The following CACNA1H variants were observed in gnomAD, a reference collection of about 807,000 sequenced individuals.
CACNA1H encodes calcium voltage-gated channel subunit alpha1 H.
CACNA1H carries 149 observed loss-of-function variants against 192.5 expected under a neutral mutation model. The observed-to-expected ratio is 0.77, with a 90% CI of 0.68 to 0.89. The LOEUF is 0.89. Ranked by LOEUF, CACNA1H falls within the 40% of genes least tolerant of loss-of-function variation. CACNA1H has a pLI of 0.00. For missense variants in CACNA1H, 4,257 were observed against 3,423.5 expected (o/e 1.24, Z -6.08); for synonymous variants, 2,202 against 1,475.2 (o/e 1.49, Z -11.29).
In CACNA1H at chr16:1,198,703, C is replaced by T. The variant is rs373750945; in HGVS notation, c.732C>T (p.Phe244=). The T allele has an allele frequency of 1.0e-4, 163 of 1,613,464 alleles. No homozygotes were observed. The highest frequency in any genetic ancestry group is 1.3e-4 in the Non-Finnish European group (148 of 1,179,652). ...TGTGCTTCTTCGTCTTCTTCATTTT[C>T]GGCATCGTTGGCGTCCAGCTCTGGG... ...LLLCFFVFFI[F]GIVGVQLWAG... is the part of the protein sequence containing the mutation. Residue 244 remains phenylalanine (F), a synonymous_variant, in exon 6 of 35, where the codon TTC becomes TTT. Coordinates refer to ENST00000348261, the MANE Select transcript of CACNA1H (RefSeq NM_021098.3).
At position 1,218,630 on chromosome 16, in the gene CACNA1H, TA is replaced by T; in HGVS notation, c.5867del (p.Tyr1956LeufsTer91). 6.4e-7 allele frequency: 1 copy of T among 1,553,310 alleles called. No homozygotes were observed. The highest frequency in any genetic ancestry group is 8.7e-7 in the Non-Finnish European group (1 of 1,147,618). On this transcript the variant is annotated frameshift_variant, in exon 33 of 35. Coordinates refer to ENST00000348261, the MANE Select transcript of CACNA1H (RefSeq NM_021098.3). LOFTEE classifies it high-confidence loss of function. ...RPLQEVEMET[Y>X]GAGTPLGSVA... ...GCTGCAGGAGGTGGAGATGGAGACC[TA>T]TGGGGCCGGCACCCCCTTGGGTATG...
intron 2 of CACNA1H, among the ~76,000 whole-genome samples, chr16:1,165,483 C>T (rs560924152): frequency 7.2e-5 from 11 of 152,320 alleles, no homozygotes; most frequent in Admixed American, 3.3e-4. Context: ...GCCGAGCCCC[C>T]GTCCTGCGCA....
At chr16:1,195,224 G>A (rs915005315) in intron 3 of CACNA1H, 141 bp downstream of exon 3, 9 of 902,340 alleles carry the variant, frequency 1.0e-5, no homozygotes, top group African/African-American at 6.8e-5. Flanking sequence ...CGAGGTTCAC[G>A]GCGGGGCGCG....
chr16:1,212,788 C>T (rs1567545073), intron 26 of CACNA1H, among the ~76,000 whole-genome samples: 1 of 152,232 alleles, frequency 6.6e-6, no homozygotes, highest in Non-Finnish European at 1.5e-5. Flanking sequence ...CGAGGGGCCG[C>T]CCACACCCCT....
chr16:1,177,782 AGGGGTCTCTC>A (rs1215643594), intron 2 of CACNA1H, among the ~76,000 whole-genome samples: 1 of 151,638 alleles, frequency 6.6e-6, no homozygotes, highest in Non-Finnish European at 1.5e-5. Flanking sequence ...TGGGAGGTGG[AGGGGTCTCTC>A]GGGGTCCTTG....
rs1236296487 is a variant in CACNA1H, at chr16:1,167,021, T to C, written c.299+12985T>C. Among the ~76,000 whole-genome samples the C allele has an allele frequency of 6.6e-6, 1 of 152,220 alleles. No individual in the cohort carries two copies. The highest frequency in any genetic ancestry group is 6.5e-5 in the Admixed American group (1 of 15,284). On this transcript the variant is annotated intron_variant, in intron 2 of 34. Transcript: ENST00000348261. This position sits in a 1 kb window ranked among gnomAD's most constrained non-coding sequence, Gnocchi z 4.2. ...GCTGTTTTCCAAAGCGGTGCCCACCTGTTGACCCACCTCTCGCCCCCAGCT... is the reference window on the plus strand; with the variant it reads ...GCTGTTTTCCAAAGCGGTGCCCACCCGTTGACCCACCTCTCGCCCCCAGCT...
chr16:1,211,591 C>T lies in CACNA1H; in HGVS notation c.4461C>T (p.Phe1487=), dbSNP rs767786667. The change falls in exon 23 of 35, where the codon TTC becomes TTT. Residue 1487 remains phenylalanine, a synonymous_variant. Coordinates refer to ENST00000348261, the MANE Select transcript of CACNA1H (RefSeq NM_021098.3). ...GCTGGGTGCGACGCAAGTACAACTTCGACAACCTGGGCCAGGTGGGCTGGG... is the reference window on the plus strand; with the variant it reads ...GCTGGGTGCGACGCAAGTACAACTTTGACAACCTGGGCCAGGTGGGCTGGG... ...HYRWVRRKYN[F]DNLGQALMSL... is the part of the protein sequence containing the mutation. 26 of 1,609,946 alleles carry T rather than the reference C, an allele frequency of 1.6e-5. No homozygotes were observed. The highest frequency in any genetic ancestry group is 8.8e-5 in the South Asian group (8 of 90,744).
In CACNA1H at chr16:1,210,567, C is replaced by G. The variant is rs750795244; in HGVS notation, c.3970-16C>G. The G allele has an allele frequency of 9.9e-6, 16 of 1,609,812 alleles. No individual in the cohort carries two copies. The East Asian group carries it at 3.3e-4, about 34-fold the overall frequency. ...GGGTGGAGTGGACACAGCCCCCCAC[C>G]GTCCTCTCCCGGCAGGAGCGGGTCT... On this transcript the variant is annotated splice_polypyrimidine_tract_variant and intron_variant, in intron 19 of 34. Coordinates refer to ENST00000348261, the MANE Select transcript of CACNA1H (RefSeq NM_021098.3).
Position 1,204,369 on chromosome 16 carries a change from C to T in CACNA1H, c.2362C>T (p.Arg788Cys), listed in dbSNP as rs3751664. Reference sequence around the variant, plus strand: ...GGTTACCTTCAGCGGCAAGCTGCGCCGCATCGTGGACAGCAAGTACTTCAG... The same window carrying T: ...GGTTACCTTCAGCGGCAAGCTGCGCTGCATCGTGGACAGCAAGTACTTCAG... ...LWVTFSGKLR[R>C]IVDSKYFSRG... Residue 788 changes from arginine to cysteine, a missense_variant, in exon 10 of 35, where the codon CGC becomes TGC. Transcript: ENST00000348261. 143,924 of 1,570,246 alleles carry T rather than the reference C, an allele frequency of 0.092. 7,457 individuals are homozygous for T. The highest frequency in any genetic ancestry group is 0.12 in the East Asian group (5,380 of 44,466).
chr16:1,206,186 C>G lies in CACNA1H; in HGVS notation c.2686C>G (p.Arg896Gly). ...GCTGCTGCGTGTGCTGAAGCTGGTG[C>G]GCTTTCTGCCAGCCCTGCGGCGCCA... Reference protein sequence around the residue: ...FRLLRVLKLVRFLPALRRQLV... With the variant: ...FRLLRVLKLVGFLPALRRQLV... Residue 896 changes from arginine (R) to glycine (G), a missense_variant, in exon 12 of 35, where the codon CGC becomes GGC. Transcript: ENST00000348261. 13 of 1,590,326 alleles carry G rather than the reference C, an allele frequency of 8.2e-6. No homozygotes were observed. The highest frequency in any genetic ancestry group is 1.1e-5 in the Non-Finnish European group (13 of 1,169,600).
In CACNA1H at chr16:1,206,251, C is replaced by T. The variant is rs917812535; in HGVS notation, c.2751C>T (p.Thr917=). ...VLVKTMDNVA[T]FCTLLMLFIF... ...TGAAGACCATGGACAACGTGGCTAC[C>T]TTCTGCACGCTGCTCATGCTCTTCA... The change falls in exon 12 of 35, where the codon ACC becomes ACT. Residue 917 remains threonine (T), a synonymous_variant. Coordinates refer to ENST00000348261, the MANE Select transcript of CACNA1H (RefSeq NM_021098.3). The T allele has an allele frequency of 1.3e-5, 21 of 1,582,324 alleles. No individual in the cohort carries two copies. The highest frequency in any genetic ancestry group is 3.5e-5 in the South Asian group (3 of 86,210).
chr16:1,185,704 C>CA (rs1965954838), intron 2 of CACNA1H, among the ~76,000 whole-genome samples: 1 of 25,204 alleles, frequency 4.0e-5, no homozygotes, highest in Non-Finnish European at 6.9e-5. Context: ...AGTAGACGGT[C>CA]GGCGTGCGTA....
intron 26 of CACNA1H, among the ~76,000 whole-genome samples, chr16:1,213,392 G>A (rs1180912730): frequency 6.6e-6 from 1 of 152,020 alleles, no homozygotes; most frequent in Non-Finnish European, 1.5e-5. Context: ...CCAGGGGGGC[G>A]GGCCCTGCCA....
In CACNA1H at chr16:1,211,314, C is replaced by T. The variant is rs774965206; in HGVS notation, c.4350+20C>T. The T allele has an allele frequency of 8.7e-6, 14 of 1,612,644 alleles. No homozygotes were observed. The highest frequency in any genetic ancestry group is 1.7e-5 in the Admixed American group (1 of 60,022). ...GTGCAGGTGTGTGGCCCCCACGTGC[C>T]CGGGGGTCTGCCCCGTCGCAGACAG... On this transcript the variant is annotated intron_variant, in intron 22 of 34. Transcript: ENST00000348261.
At chr16:1,206,970 A>G (rs1210664379) in intron 12 of CACNA1H, 31 bp from the exon 13 acceptor site, 1 of 958,704 alleles carries the variant, frequency 1.0e-6, no homozygotes, top group South Asian at 1.6e-5. Flanking sequence ...CCCTGCCTCC[A>G]CCCTCAACAC....
At chr16:1,205,542 G>GT (rs1596431629) in intron 11 of CACNA1H, among the ~76,000 whole-genome samples, 1 of 152,332 alleles carries the variant, frequency 6.6e-6, no homozygotes, top group East Asian at 1.9e-4. Context: ...TAGCGGAGCT[G>GT]TTTCCTGCAG....
At chr16:1,177,324 AC>A (rs1403324831) in intron 2 of CACNA1H, among the ~76,000 whole-genome samples, 1 of 151,824 alleles carries the variant, frequency 6.6e-6, no homozygotes, top group Non-Finnish European at 1.5e-5. Flanking sequence ...ACATTTACAC[AC>A]TGCAGCCGCC....
chr16:1,188,918 G>A (rs540739913), intron 2 of CACNA1H, among the ~76,000 whole-genome samples: 22 of 152,308 alleles, frequency 1.4e-4, no homozygotes, highest in Middle Eastern at 3.4e-3. Flanking sequence ...CCCGCCCTGC[G>A]TCCACACCTC....
chr16:1,206,312 C>T (rs1430333267), intron 12 of CACNA1H, 23 bp downstream of exon 12: 7 of 1,544,888 alleles, frequency 4.5e-6, no homozygotes, highest in Non-Finnish European at 6.1e-6. Flanking sequence ...CCCCTCCCGG[C>T]CCGCCCAGTG....
Sources: allele counts gnomAD v4.1 joint callset (sites outside exome capture counted in the v4.1 genomes callset), GRCh38; gene constraint gnomAD v4.1.1; non-coding constraint Gnocchi (gnomAD v3.1); transcripts MANE v1.5; gene names NCBI Gene and HGNC (gene_info 2026-07-23, HGNC 2026-07-21).